CSMD3: variants seen among roughly 807,000 people sequenced by gnomAD.
The protein encoded by CSMD3 is CUB and Sushi multiple domains 3.
CSMD3 carries 177 observed loss-of-function variants against 435.2 expected under a neutral mutation model. The observed-to-expected ratio is 0.41, with a 90% CI of 0.36 to 0.46. The LOEUF (loss-of-function observed/expected upper bound fraction) is 0.46, where lower values mean the gene tolerates loss of function less well. CSMD3 is among the 20% of genes least tolerant of loss of function. CSMD3 has a pLI of 0.34. For synonymous variants in CSMD3, 1,656 were observed against 1,520.5 expected, an observed-to-expected ratio of 1.09 and a Z score of -2.07; for missense variants, 4,265 against 4,504.6, an observed-to-expected ratio of 0.95 and a Z score of 1.52.
intron 1 of CSMD3, among the ~76,000 whole-genome samples, chr8:113,433,487 C>A (rs2094687614): frequency 6.6e-6 from 1 of 152,302 alleles, no homozygotes; most frequent in Admixed American, 6.5e-5. Flanking sequence ...GGAGAGGATG[C>A]GATTTCCACT....
chr8:112,845,519 C>A (rs1197079666), intron 11 of CSMD3, among the ~76,000 whole-genome samples: 1 of 151,988 alleles, frequency 6.6e-6, no homozygotes, highest in East Asian at 1.9e-4. Context: ...AATACAGGGT[C>A]CTAGAAGTGC....
At chr8:112,756,769 ATTTT>A (rs67224021) in intron 13 of CSMD3, among the ~76,000 whole-genome samples, 2 of 139,896 alleles carry the variant, frequency 1.4e-5, no homozygotes, top group East Asian at 2.1e-4. Flanking sequence ...TTATGTATTA[ATTTT>A]TTTTTTTTTT....
intron 13 of CSMD3, among the ~76,000 whole-genome samples, chr8:112,741,892 C>T (rs994842627): frequency 6.6e-6 from 1 of 151,460 alleles, no homozygotes; most frequent in Admixed American, 6.6e-5. Context: ...ATTAGAGAAA[C>T]CAGTGGAAAA....
intron 59 of CSMD3, among the ~76,000 whole-genome samples, chr8:112,279,992 T>C (rs566247832): frequency 7.2e-5 from 11 of 152,254 alleles, no homozygotes; most frequent in Middle Eastern, 3.4e-3. Flanking sequence ...CAGGAATGCA[T>C]GTATGCCATT....
chr8:113,425,307 TTG>T (rs2094629785), intron 1 of CSMD3, among the ~76,000 whole-genome samples: 2 of 151,532 alleles, frequency 1.3e-5, no homozygotes, highest in Non-Finnish European at 1.5e-5. Flanking sequence ...AAAAATTAAT[TTG>T]ATATTTACAT....
chr8:112,565,336 A>G (rs1828976680), intron 24 of CSMD3, among the ~76,000 whole-genome samples: 1 of 152,106 alleles, frequency 6.6e-6, no homozygotes, highest in Non-Finnish European at 1.5e-5. Context: ...GTTATATAGT[A>G]AGAATAAAGG....
chr8:112,522,432 A>C (rs536237832), intron 27 of CSMD3, among the ~76,000 whole-genome samples: 3 of 151,858 alleles, frequency 2.0e-5, no homozygotes, highest in Admixed American at 6.6e-5. Flanking sequence ...AAATCCACTG[A>C]AAGAGTTCAT....
At chr8:112,743,997 G>T (rs562442978) in intron 13 of CSMD3, among the ~76,000 whole-genome samples, 1 of 151,898 alleles carries the variant, frequency 6.6e-6, no homozygotes, top group East Asian at 1.9e-4. Flanking sequence ...TCTATGAAAT[G>T]GTCTGTTAGG....
rs188397382 is a variant in CSMD3, at chr8:112,899,076, C to T, written c.1633+22551G>A. On this transcript the variant is annotated intron_variant, in intron 10 of 70. Transcript: ENST00000297405. Reference sequence around the variant, plus strand: ...TTTCTTATACAAATAAGCCACAACTCGGACATGTACACCATGAAATGTTTA... The same window carrying T: ...TTTCTTATACAAATAAGCCACAACTTGGACATGTACACCATGAAATGTTTA... Among the ~76,000 whole-genome samples the T allele has an allele frequency of 1.2e-3, 178 of 151,288 alleles. 2 individuals are homozygous for T. The highest frequency in any genetic ancestry group is 2.4e-4 in the Non-Finnish European group (16 of 67,460).
intron 10 of CSMD3, among the ~76,000 whole-genome samples, chr8:112,918,790 C>T (rs1195842158): frequency 6.6e-6 from 1 of 151,876 alleles, no homozygotes; most frequent in Non-Finnish European, 1.5e-5. Context: ...CTTTTAATCC[C>T]TTTAAAAATC....
intron 24 of CSMD3, among the ~76,000 whole-genome samples, chr8:112,561,831 T>G (rs1828651940): frequency 6.6e-6 from 1 of 151,678 alleles, no homozygotes; most frequent in Admixed American, 6.6e-5. Context: ...GTGGCTTCAT[T>G]TATTGCCTGG....
chr8:112,723,750 G>A (rs1444391615), intron 13 of CSMD3, among the ~76,000 whole-genome samples: 1 of 152,064 alleles, frequency 6.6e-6, no homozygotes, highest in African/African-American at 2.4e-5. Context: ...AAATCACGGA[G>A]ACCTAGTTTT....
intron 22 of CSMD3, among the ~76,000 whole-genome samples, chr8:112,632,531 A>G (rs1438130577): frequency 6.6e-6 from 1 of 152,026 alleles, no homozygotes; most frequent in Non-Finnish European, 1.5e-5. Flanking sequence ...CTAAAGACAA[A>G]TCATTACTAA....
intron 59 of CSMD3, among the ~76,000 whole-genome samples, chr8:112,271,022 T>C (rs1284326852): frequency 6.6e-6 from 1 of 152,164 alleles, no homozygotes; most frequent in African/African-American, 2.4e-5. Context: ...TATCATATAA[T>C]CAATCTTGCT....
At chr8:112,497,273 G>T (rs1018484564) in intron 30 of CSMD3, among the ~76,000 whole-genome samples, 2 of 152,018 alleles carry the variant, frequency 1.3e-5, no homozygotes, top group Non-Finnish European at 2.9e-5. Context: ...TAGATAGAAT[G>T]AATAGGGATC....
In CSMD3 at chr8:112,464,216, C is replaced by T. The variant is rs996789096; in HGVS notation, c.5395+8375G>A. Among the ~76,000 whole-genome samples the T allele has an allele frequency of 8.4e-5, 12 of 142,420 alleles. No individual in the cohort carries two copies. In the South Asian group the frequency reaches 1.3e-3, roughly 16 times the overall value. The allele number at this position is 142,420 out of a possible 152,430, so 93.4% of individuals were successfully genotyped here. ...TCTTGCCACTGCACTCCAGCCTGGG[C>T]GACAGAGCGAGACTCTGTTTCAAAA... On this transcript the variant is annotated intron_variant, in intron 32 of 70. Transcript: ENST00000297405.
chr8:112,644,592 T>C (rs13258944), intron 20 of CSMD3, among the ~76,000 whole-genome samples: 30,998 of 152,034 alleles, frequency 0.2, 4,030 homozygotes, highest in Non-Finnish European at 0.3. Context: ...TTACACTCTA[T>C]GTGAGACATA....
At chr8:112,763,279 T>C (rs568329325) in intron 13 of CSMD3, among the ~76,000 whole-genome samples, 1 of 151,582 alleles carries the variant, frequency 6.6e-6, no homozygotes, top group East Asian at 1.9e-4. Flanking sequence ...CTTGGACAAG[T>C]TAAGCTTAAA....
chr8:112,841,710 C>T (rs2080182612), intron 11 of CSMD3, among the ~76,000 whole-genome samples: 1 of 151,634 alleles, frequency 6.6e-6, no homozygotes, highest in South Asian at 2.1e-4. Context: ...TTATGCTTGT[C>T]CTTGGATGTT....
Sources: gnomAD v4.1 joint callset for allele counts (sites outside exome capture counted in the v4.1 genomes callset) on GRCh38, gnomAD v4.1.1 for gene constraint, MANE v1.5 for transcripts, NCBI Gene and HGNC (gene_info 2026-07-23, HGNC 2026-07-21) for gene names.